The following ZNF462 variants were observed in gnomAD, a reference collection of about 807,000 sequenced individuals.
The protein encoded by ZNF462 is zinc finger protein 462.
A neutral mutation model predicts 201.9 loss-of-function variants in ZNF462; 10 were observed. The ratio of observed to expected loss-of-function variants is 0.05; its 90% confidence interval spans 0.03 to 0.08. The LOEUF (loss-of-function observed/expected upper bound fraction) is 0.08, where lower values mean the gene tolerates loss of function less well. Among genes scored for constraint, ZNF462 ranks in the 10% least tolerant of loss-of-function variants. The probability of loss-of-function intolerance (pLI) is 1.00; values close to 1 mark genes in which losing one functional copy is unlikely to be tolerated. For missense variants in ZNF462, 2,523 were observed against 3,168.3 expected (o/e 0.80, Z 4.89); for synonymous variants, 1,227 against 1,193.3 (o/e 1.03, Z -0.58).
At position 106,901,041 on chromosome 9, in the gene ZNF462, TC is replaced by T. The variant is rs1657440353; in HGVS notation, c.-30-22311del. On this transcript the variant is annotated intron_variant, in intron 1 of 12. Coordinates refer to ENST00000277225, the MANE Select transcript of ZNF462 (RefSeq NM_021224.6). The stretch of plus-strand genomic sequence containing the variant: ...TCAGGTCTTAGATTTAAGTCTTTAA[TC>T]CATCTTGAGTTGATTTTTGTATAAA... Among the ~76,000 whole-genome samples the T allele has an allele frequency of 4.6e-5, 7 of 152,336 alleles. No homozygotes were observed. In the South Asian group the frequency reaches 1.4e-3, roughly 32 times the overall value.
chr9:106,927,204 T>TTCC lies in ZNF462; in HGVS notation c.3292_3293insTCC (p.Ser1098delinsPhePro). On this transcript the variant is annotated protein_altering_variant, in exon 3 of 13. Coordinates refer to ENST00000277225, the MANE Select transcript of ZNF462 (RefSeq NM_021224.6). ...GTCTCCCAAAATGTCCAACATGGGT[T>TTCC]CCCCACCCCCCCCACAACCCCCGCC... 6.4e-7 allele frequency: 1 copy of TTCC among 1,570,642 alleles called. No individual in the cohort carries two copies. The highest frequency in any genetic ancestry group is 8.7e-7 in the Non-Finnish European group (1 of 1,149,988).
In ZNF462 at chr9:106,872,068, T is replaced by C. The variant is rs1827617317; in HGVS notation, c.-31+8713T>C. ...TAAGGCCACTGTGGTCCAGAATGTT[T>C]AGCCATTCTAATCCCTAATTACATC... On this transcript the variant is annotated intron_variant, in intron 1 of 12. Coordinates refer to ENST00000277225, the MANE Select transcript of ZNF462 (RefSeq NM_021224.6). This position sits in a 1 kb window ranked among gnomAD's most constrained non-coding sequence, Gnocchi z 4.5. Among the ~76,000 whole-genome samples the C allele has an allele frequency of 6.6e-6, 1 of 152,188 alleles. No individual in the cohort carries two copies. Among genetic ancestry groups the C allele is most frequent in the Non-Finnish European group, 1.5e-5 (1 of 68,026 alleles).
At chr9:106,980,993 T>G (rs947916190) in intron 9 of ZNF462, among the ~76,000 whole-genome samples, 9 of 152,258 alleles carry the variant, frequency 5.9e-5, no homozygotes, top group African/African-American at 2.2e-4. Flanking sequence ...ATGAATGACC[T>G]CATTCAGAAA....
In ZNF462 at chr9:107,011,066, A is replaced by G. The variant is rs769285169; in HGVS notation, c.*36A>G. On this transcript the variant is annotated 3_prime_UTR_variant, in exon 13 of 13. Coordinates refer to ENST00000277225, the MANE Select transcript of ZNF462 (RefSeq NM_021224.6). This position sits in a 1 kb window ranked among gnomAD's most constrained non-coding sequence, Gnocchi z 5.6. Reference sequence around the variant, plus strand: ...AAATTCTTAATCAAACCTTACTTGAACAGTGATGAAAAAGTGGGAGGGCTG... The same window carrying G: ...AAATTCTTAATCAAACCTTACTTGAGCAGTGATGAAAAAGTGGGAGGGCTG... 1 of 1,603,600 alleles carries G rather than the reference A, an allele frequency of 6.2e-7. No homozygotes were observed. The highest frequency in any genetic ancestry group is 8.5e-7 in the Non-Finnish European group (1 of 1,175,198).
chr9:106,866,782 A>G (rs1178127102), intron 1 of ZNF462, among the ~76,000 whole-genome samples: 1 of 152,232 alleles, frequency 6.6e-6, no homozygotes, highest in Non-Finnish European at 1.5e-5. Flanking sequence ...CAAACTGGGA[A>G]GTTCAGTTGC....
At chr9:106,900,983 T>G (rs986403969) in intron 1 of ZNF462, among the ~76,000 whole-genome samples, 5 of 152,196 alleles carry the variant, frequency 3.3e-5, no homozygotes, top group African/African-American at 1.2e-4. Flanking sequence ...TAGAAGGATT[T>G]TTCCAATGTT....
intron 7 of ZNF462, among the ~76,000 whole-genome samples, chr9:106,971,206 A>G (rs1546484): frequency 6.6e-6 from 1 of 151,258 alleles, no homozygotes; most frequent in African/African-American, 2.4e-5. Flanking sequence ...TTTTTTTTTT[A>G]AATTTGGTTG....
At position 106,929,828 on chromosome 9, in the gene ZNF462, C is replaced by T. The variant is rs940631995; in HGVS notation, c.5847+69C>T. 1.6e-5 allele frequency: 22 copies of T among 1,398,212 alleles called. No homozygotes were observed. The highest frequency in any genetic ancestry group is 5.8e-5 in the African/African-American group (4 of 69,164). 86.6% of individuals were successfully genotyped at this position (1,398,212 alleles called of 1,614,324 possible). On this transcript the variant is annotated intron_variant, in intron 3 of 12. Transcript: ENST00000277225. The surrounding 1 kb of genome is among the most constrained non-coding windows in gnomAD (Gnocchi z 8.7). ...TCACTGGTGCCCACATGCACTTCTTCGTTGCCAGCCAAACTGCTGCAGGCT... is the reference window on the plus strand; with the variant it reads ...TCACTGGTGCCCACATGCACTTCTTTGTTGCCAGCCAAACTGCTGCAGGCT...
Position 107,006,646 on chromosome 9 carries a change from C to A in ZNF462, c.7190-2899C>A, listed in dbSNP as rs1829563984. 6.6e-6 allele frequency among the ~76,000 whole-genome samples: 1 copy of A among 152,024 alleles called. No homozygotes were observed. The highest frequency in any genetic ancestry group is 6.6e-5 in the Admixed American group (1 of 15,256). Reference sequence around the variant, plus strand: ...TGGGCTACTTCCCTCCAAGGTGTTCCCTGTTCCTTTTCCTGACTTGCACTC... The same window carrying A: ...TGGGCTACTTCCCTCCAAGGTGTTCACTGTTCCTTTTCCTGACTTGCACTC... On this transcript the variant is annotated intron_variant, in intron 11 of 12. Transcript: ENST00000277225. The surrounding 1 kb of genome is among the most constrained non-coding windows in gnomAD (Gnocchi z 4.3).
chr9:106,867,234 TAAGAC>T (rs1333567443), intron 1 of ZNF462, among the ~76,000 whole-genome samples: 1 of 152,200 alleles, frequency 6.6e-6, no homozygotes, highest in African/African-American at 2.4e-5. Flanking sequence ...CCATTTGAAT[TAAGAC>T]AAGTATTTTG....
At position 106,905,071 on chromosome 9, in the gene ZNF462, A is replaced by G. The variant is rs1829212195; in HGVS notation, c.-30-18283A>G. 6.6e-6 allele frequency among the ~76,000 whole-genome samples: 1 copy of G among 152,118 alleles called. No individual in the cohort carries two copies. On this transcript the variant is annotated intron_variant, in intron 1 of 12. Transcript: ENST00000277225. This position sits in a 1 kb window ranked among gnomAD's most constrained non-coding sequence, Gnocchi z 5.9. ...GTAGGCTCTGTCAGAGGGAAGGTCT[A>G]TGGCTGAAGACTGTTGTTCAGATTC... is the stretch of plus-strand genomic sequence containing the variant.
chr9:106,888,330 C>T (rs1444932359), intron 1 of ZNF462, among the ~76,000 whole-genome samples: 7 of 152,268 alleles, frequency 4.6e-5, no homozygotes, highest in East Asian at 1.9e-4. Flanking sequence ...CGTGAGCCAC[C>T]GCGCCCGGCC....
intron 1 of ZNF462, among the ~76,000 whole-genome samples, chr9:106,904,601 ACTT>A (rs1390338591): frequency 8.6e-5 from 13 of 151,898 alleles, no homozygotes; most frequent in Admixed American, 6.6e-4. Flanking sequence ...ATAACCCCAG[ACTT>A]CTTGGATGTT....
intron 7 of ZNF462, among the ~76,000 whole-genome samples, chr9:106,951,559 T>C (rs1449862086): frequency 6.6e-6 from 1 of 152,208 alleles, no homozygotes; most frequent in Non-Finnish European, 1.5e-5. Context: ...CAGAGGTGAC[T>C]CTACTGGGAC....
rs1383265938 is a variant in ZNF462 at position 106,927,374 on chromosome 9, T to G, written c.3462T>G (p.Ala1154=). 1.9e-6 allele frequency: 3 copies of G among 1,614,012 alleles called. No homozygotes were observed. Among genetic ancestry groups the G allele is most frequent in the Non-Finnish European group, 2.5e-6 (3 of 1,179,980 alleles). Residue 1154 remains alanine, a synonymous_variant, in exon 3 of 13, where the codon GCT becomes GCG. Transcript: ENST00000277225. Reference sequence around the variant, plus strand: ...ATATCAGACAGGCTCCTCCCACAGCTGCAATGATGAGAGGGGTCGAAGGGC... The same window carrying G: ...ATATCAGACAGGCTCCTCCCACAGCGGCAATGATGAGAGGGGTCGAAGGGC... The part of the protein sequence containing the change: ...AKYIRQAPPT[A]AMMRGVEGPQ...
At chr9:106,894,599 G>A (rs1384024490) in intron 1 of ZNF462, among the ~76,000 whole-genome samples, 2 of 152,150 alleles carry the variant, frequency 1.3e-5, no homozygotes, top group Non-Finnish European at 2.9e-5. Flanking sequence ...GAGTACCAAT[G>A]AAAACTCTTA....
In ZNF462 at chr9:107,011,940, A is replaced by G. The variant is rs1001653765; in HGVS notation, c.*910A>G. 2.0e-5 allele frequency: 3 copies of G among 152,048 alleles called. No individual in the cohort carries two copies. Among genetic ancestry groups the G allele is most frequent in the Non-Finnish European group, 4.4e-5 (3 of 68,012 alleles). 9.4% of individuals were successfully genotyped at this position (152,048 alleles called of 1,614,324 possible). On this transcript the variant is annotated 3_prime_UTR_variant, in exon 13 of 13. Coordinates refer to ENST00000277225, the MANE Select transcript of ZNF462 (RefSeq NM_021224.6). This position sits in a 1 kb window ranked among gnomAD's most constrained non-coding sequence, Gnocchi z 5.6. ...TTTGTTTGCCACATGTTTATTTTCTATCAATTTGAGTGTTACAAACACAGC... is the reference window on the plus strand; with the variant it reads ...TTTGTTTGCCACATGTTTATTTTCTGTCAATTTGAGTGTTACAAACACAGC...
At chr9:106,878,359 C>T (rs551852267) in intron 1 of ZNF462, among the ~76,000 whole-genome samples, 10 of 152,344 alleles carry the variant, frequency 6.6e-5, no homozygotes, top group African/African-American at 2.4e-4. Flanking sequence ...GTACAGATGG[C>T]ATGCTCTTGC....
intron 1 of ZNF462, among the ~76,000 whole-genome samples, chr9:106,863,994 G>C (rs1280904595): frequency 6.9e-6 from 1 of 145,850 alleles, no homozygotes; most frequent in African/African-American, 2.5e-5. Flanking sequence ...CCGCCCGATG[G>C]CAAAGCCGTG....
Sources: allele counts gnomAD v4.1 joint callset (sites outside exome capture counted in the v4.1 genomes callset), GRCh38; gene constraint gnomAD v4.1.1; non-coding constraint Gnocchi (gnomAD v3.1); transcripts MANE v1.5; gene names NCBI Gene and HGNC (gene_info 2026-07-23, HGNC 2026-07-21).